The following OSBPL6 variants were observed in gnomAD, a reference collection of about 807,000 sequenced individuals.
The protein encoded by OSBPL6 is oxysterol-binding protein-related protein 6.
In OSBPL6, 49 loss-of-function variants were observed where a neutral mutation model predicts 125.8. The ratio of observed to expected loss-of-function variants is 0.39; its 90% CI spans 0.31 to 0.49. The LOEUF is 0.49. Ranked by LOEUF, OSBPL6 falls within the 20% of genes least tolerant of loss-of-function variation. The pLI is 0.88. For synonymous variants in OSBPL6, 394 were observed against 391.8 expected (o/e 1.01, Z -0.07); for missense variants, 986 against 1,135.4 (o/e 0.87, Z 1.89).
At chr2:178,282,565 T>C (rs1326670456) in intron 1 of OSBPL6, among the ~76,000 whole-genome samples, 1 of 152,222 alleles carries the variant, frequency 6.6e-6, no homozygotes. Flanking sequence ...TTCTTTTTCC[T>C]CTTTATCAGT....
chr2:178,199,090 T>C (rs1257943827), intron 1 of OSBPL6, among the ~76,000 whole-genome samples: 2 of 152,224 alleles, frequency 1.3e-5, no homozygotes, highest in Non-Finnish European at 2.9e-5. Context: ...TTGTGGATTC[T>C]TCACTCAGGC....
At chr2:178,274,418 A>G (rs1202152764) in intron 1 of OSBPL6, among the ~76,000 whole-genome samples, 1 of 152,142 alleles carries the variant, frequency 6.6e-6, no homozygotes, top group Admixed American at 6.6e-5. Context: ...CTATATATAA[A>G]TAAACTAATA....
intron 13 of OSBPL6, among the ~76,000 whole-genome samples, chr2:178,362,393 A>G (rs1367410820): frequency 1.3e-5 from 2 of 152,212 alleles, no homozygotes; most frequent in Non-Finnish European, 2.9e-5. Flanking sequence ...TCAAATCCCT[A>G]TGTATCTATA....
intron 15 of OSBPL6, 61 bp downstream of exon 15, chr2:178,374,088 A>G (rs1693651470): frequency 1.3e-6 from 2 of 1,546,340 alleles, no homozygotes; most frequent in East Asian, 4.5e-5. Flanking sequence ...GAGTTAAAGA[A>G]CATAAAACTG....
chr2:178,322,477 A>G (rs1035322271), intron 3 of OSBPL6, among the ~76,000 whole-genome samples: 2 of 152,182 alleles, frequency 1.3e-5, no homozygotes, highest in African/African-American at 4.8e-5. Flanking sequence ...GAATATAAGC[A>G]TCATAAGAGT....
intron 2 of OSBPL6, among the ~76,000 whole-genome samples, chr2:178,288,846 C>T (rs1004327051): frequency 6.6e-6 from 1 of 151,884 alleles, no homozygotes; most frequent in Admixed American, 6.5e-5. Flanking sequence ...CACGGGGTTT[C>T]ACCATGTTGG....
chr2:178,370,142 G>C (rs1193761688), intron 13 of OSBPL6, among the ~76,000 whole-genome samples: 1 of 152,138 alleles, frequency 6.6e-6, no homozygotes, highest in Non-Finnish European at 1.5e-5. Context: ...GTGCATACCT[G>C]TAATCCCAGC....
At chr2:178,210,346 A>C (rs2089788505) in intron 1 of OSBPL6, among the ~76,000 whole-genome samples, 1 of 151,934 alleles carries the variant, frequency 6.6e-6, no homozygotes, top group Admixed American at 6.6e-5. Flanking sequence ...GTTAAAAAAA[A>C]TCCAACAAAG....
chr2:178,236,858 T>C (rs1028303253), intron 1 of OSBPL6, among the ~76,000 whole-genome samples: 2 of 152,186 alleles, frequency 1.3e-5, no homozygotes, highest in Non-Finnish European at 2.9e-5. Context: ...TTTTTCACTT[T>C]TCCTTTTACT....
intron 11 of OSBPL6, among the ~76,000 whole-genome samples, chr2:178,348,187 A>G (rs1469343491): frequency 1.3e-5 from 2 of 152,258 alleles, no homozygotes; most frequent in East Asian, 3.8e-4. Context: ...CATATCCATC[A>G]GAAGGTAATG....
chr2:178,401,653 T>C lies in OSBPL6; in HGVS notation c.*6094T>C, dbSNP rs1463734090. The C allele has an allele frequency of 6.6e-6, 1 of 152,150 alleles. No individual in the cohort carries two copies. The highest frequency in any genetic ancestry group is 1.5e-5 in the Non-Finnish European group (1 of 68,038). 9.4% of individuals were successfully genotyped at this position (152,150 alleles called of 1,614,324 possible). The stretch of plus-strand genomic sequence containing the variant: ...GTAGGTTCTCTAACTGGGGCAGGGA[T>C]CTTGCTTCTTGGGGGCATATGGTTG... On this transcript the variant is annotated 3_prime_UTR_variant, in exon 25 of 25. Coordinates refer to ENST00000190611, the MANE Select transcript of OSBPL6 (RefSeq NM_032523.4).
In OSBPL6 at chr2:178,200,247, C is replaced by CTTT. The variant is rs767677596; in HGVS notation, c.-351+5593_-351+5595dup. Among the ~76,000 whole-genome samples the CTTT allele has an allele frequency of 2.6e-3, 280 of 109,706 alleles. 8 individuals are homozygous for CTTT. The highest frequency in any genetic ancestry group is 6.7e-3 in the African/African-American group (177 of 26,410). The allele number at this position is 109,706 out of a possible 152,430, so 72.0% of individuals were successfully genotyped here. A position where few individuals can be genotyped will look rare whatever the true frequency, so the allele number is the denominator to read the frequency against. Reference sequence around the variant, plus strand: ...CAAGCAAGGTTCTGTTTCTTCAGACCTTTTTTTTTTTTTTTTTTTTTTGAG... The same window carrying CTTT: ...CAAGCAAGGTTCTGTTTCTTCAGACCTTTTTTTTTTTTTTTTTTTTTTTTTGAG... On this transcript the variant is annotated intron_variant, in intron 1 of 24. Coordinates refer to ENST00000190611, the MANE Select transcript of OSBPL6 (RefSeq NM_032523.4).
chr2:178,216,975 G>T (rs2153964949), intron 1 of OSBPL6, among the ~76,000 whole-genome samples: 1 of 152,304 alleles, frequency 6.6e-6, no homozygotes, highest in South Asian at 2.1e-4. Flanking sequence ...TCCTGGGCCT[G>T]GAAGGAGAAA....
intron 3 of OSBPL6, among the ~76,000 whole-genome samples, chr2:178,317,728 T>C (rs1479742206): frequency 6.6e-6 from 1 of 151,580 alleles, no homozygotes; most frequent in Non-Finnish European, 1.5e-5. Context: ...AAGATGTATA[T>C]GGACTTTTTT....
intron 3 of OSBPL6, among the ~76,000 whole-genome samples, chr2:178,308,869 T>C (rs1222021756): frequency 6.6e-6 from 1 of 152,184 alleles, no homozygotes; most frequent in African/African-American, 2.4e-5. Flanking sequence ...CTTGCCTCAC[T>C]ATCTCACTTA....
intron 20 of OSBPL6, 139 bp from the exon 21 acceptor site, chr2:178,388,870 A>G: frequency 1.1e-6 from 1 of 903,970 alleles, no homozygotes; most frequent in Non-Finnish European, 1.7e-6. Context: ...CTTAATGACC[A>G]CAGAGAGAAT....
chr2:178,207,821 T>C (rs2089619279), intron 1 of OSBPL6, among the ~76,000 whole-genome samples: 1 of 152,142 alleles, frequency 6.6e-6, no homozygotes, highest in Non-Finnish European at 1.5e-5. Context: ...TAAAGCTAGG[T>C]AGTAACTGGT....
At chr2:178,225,127 G>C (rs1232051002) in intron 1 of OSBPL6, among the ~76,000 whole-genome samples, 1 of 151,760 alleles carries the variant, frequency 6.6e-6, no homozygotes. Context: ...GCTCTAATAA[G>C]CTGAATGAAT....
At chr2:178,262,654 T>C (rs1377887364) in intron 1 of OSBPL6, among the ~76,000 whole-genome samples, 1 of 152,172 alleles carries the variant, frequency 6.6e-6, no homozygotes, top group Non-Finnish European at 1.5e-5. Flanking sequence ...CGACAGGAAG[T>C]AGCTTAATAG....
Sources: allele counts gnomAD v4.1 joint callset (sites outside exome capture counted in the v4.1 genomes callset), GRCh38; gene constraint gnomAD v4.1.1; transcripts MANE v1.5; gene names NCBI Gene and HGNC (gene_info 2026-07-23, HGNC 2026-07-21).